DENND1A: variants seen among roughly 807,000 people sequenced by gnomAD.
DENND1A encodes the protein DENN domain-containing protein 1A.
A neutral mutation model predicts 113.7 loss-of-function variants in DENND1A; 51 were observed. The observed-to-expected ratio is 0.45, with a 90% CI of 0.36 to 0.57. The LOEUF (loss-of-function observed/expected upper bound fraction) is 0.57. Ranked by LOEUF, DENND1A falls within the 20% of genes least tolerant of loss-of-function variation. The pLI, the probability that DENND1A is intolerant of heterozygous loss-of-function variation, is 0.00. For synonymous variants in DENND1A, 565 were observed against 570.8 expected (o/e 0.99, Z 0.14); for missense variants, 1,258 against 1,395.9 (o/e 0.90, Z 1.57).
At chr9:123,792,986 T>G (rs1163328477) in intron 2 of DENND1A, among the ~76,000 whole-genome samples, 1 of 152,204 alleles carries the variant, frequency 6.6e-6, no homozygotes, top group African/African-American at 2.4e-5. Context: ...CTTTGCATAG[T>G]TACAGATGTG....
intron 21 of DENND1A, among the ~76,000 whole-genome samples, chr9:123,398,424 G>C (rs982616140): frequency 6.6e-6 from 1 of 152,066 alleles, no homozygotes; most frequent in African/African-American, 2.4e-5. Context: ...ACCCAGGCTA[G>C]AGTGCAGTGG....
chr9:123,507,559 T>C (rs1205029991), intron 13 of DENND1A, among the ~76,000 whole-genome samples: 2 of 151,860 alleles, frequency 1.3e-5, no homozygotes, highest in Non-Finnish European at 2.9e-5. Flanking sequence ...AACATAAGAA[T>C]TACTTTTTGC....
At position 123,652,084 on chromosome 9, in the gene DENND1A, T is replaced by A; in HGVS notation, c.547A>T (p.Asn183Tyr). 1 of 1,614,190 alleles carries A rather than the reference T, an allele frequency of 6.2e-7. No individual in the cohort carries two copies. The highest frequency in any genetic ancestry group is 8.5e-7 in the Non-Finnish European group (1 of 1,180,024). ...ATACTGGCGTACAGATGCAACATGT[T>A]GTTAACATCCACAGCCACAAAATAT... Reference protein sequence around the residue: ...TEYFVAVDVNNMLHLYASMLY... With the variant: ...TEYFVAVDVNYMLHLYASMLY... The change falls in exon 9 of 24, where the codon AAC (asparagine) becomes TAC (tyrosine). Residue 183 changes from asparagine to tyrosine, a missense_variant. Asn to Tyr is a moderately radical substitution (Grantham distance 143). This residue lies in a region of DENND1A where 1,159 missense variants were observed against 1,231.7 expected (regional missense o/e 0.94). Transcript: ENST00000394215.
chr9:123,877,317 G>A (rs1018691321), intron 2 of DENND1A, among the ~76,000 whole-genome samples: 53 of 151,158 alleles, frequency 3.5e-4, no homozygotes, highest in African/African-American at 1.0e-3. Flanking sequence ...GTGAAACCCC[G>A]TCTCTACTAA....
At chr9:123,480,798 C>T (rs1015113840) in intron 13 of DENND1A, among the ~76,000 whole-genome samples, 5 of 152,318 alleles carry the variant, frequency 3.3e-5, no homozygotes, top group African/African-American at 4.8e-5. Flanking sequence ...ACTGAACACA[C>T]GTGTGTCGAA....
At chr9:123,696,640 T>C (rs1425646169) in intron 5 of DENND1A, among the ~76,000 whole-genome samples, 2 of 152,208 alleles carry the variant, frequency 1.3e-5, no homozygotes, top group African/African-American at 4.8e-5. Context: ...CAGAGTTTAT[T>C]CTAACCAGAA....
At chr9:123,456,728 T>G (rs140631389) in intron 15 of DENND1A, 1 of 152,368 alleles carries the variant, frequency 6.6e-6, no homozygotes, top group East Asian at 1.9e-4. Context: ...GAGAATCACT[T>G]GAACCTGAGA....
At chr9:123,410,687 T>C (rs1423112517) in intron 20 of DENND1A, among the ~76,000 whole-genome samples, 1 of 152,162 alleles carries the variant, frequency 6.6e-6, no homozygotes, top group Admixed American at 6.5e-5. Flanking sequence ...ACAGACACAG[T>C]TCACCTGGTC....
At chr9:123,399,940 G>A (rs2043340306) in intron 21 of DENND1A, among the ~76,000 whole-genome samples, 1 of 152,246 alleles carries the variant, frequency 6.6e-6, no homozygotes, top group Non-Finnish European at 1.5e-5. Context: ...TAGCCCAAGA[G>A]GGCCTAGAAA....
At chr9:123,627,325 T>A (rs1216025296) in intron 10 of DENND1A, among the ~76,000 whole-genome samples, 1 of 152,252 alleles carries the variant, frequency 6.6e-6, no homozygotes, top group Non-Finnish European at 1.5e-5. Context: ...TCTATGGGCC[T>A]GTGTCTTCGA....
chr9:123,689,094 G>A (rs1041003647), intron 5 of DENND1A, among the ~76,000 whole-genome samples: 7 of 151,998 alleles, frequency 4.6e-5, no homozygotes, highest in South Asian at 2.1e-4. Flanking sequence ...GCGTGATCTC[G>A]GCTCACTGCA....
rs138556951 is a variant in DENND1A, at chr9:123,545,076, C to T, written c.993+12494G>A. Among the ~76,000 whole-genome samples the T allele has an allele frequency of 2.7e-4, 41 of 150,910 alleles. 1 individual carries two copies. In the East Asian group the frequency reaches 8.0e-3, roughly 29 times the overall value. ...TCGCGCCACTGTACTCCAGCCTGGG[C>T]GACAGAGCAAGACTCCGTCTCAAAA... On this transcript the variant is annotated intron_variant, in intron 13 of 23. Transcript: ENST00000394215.
intron 11 of DENND1A, among the ~76,000 whole-genome samples, chr9:123,594,244 T>C (rs2059589181): frequency 6.6e-6 from 1 of 152,198 alleles, no homozygotes; most frequent in Non-Finnish European, 1.5e-5. Context: ...CTGTGTGACA[T>C]GCTCTGCATC....
intron 19 of DENND1A, among the ~76,000 whole-genome samples, chr9:123,426,207 A>G (rs958284225): frequency 5.9e-5 from 9 of 152,088 alleles, no homozygotes; most frequent in Non-Finnish European, 4.4e-5. Flanking sequence ...GTGGTCAGGG[A>G]GACAATCCTG....
At chr9:123,676,526 A>T (rs760069105) in intron 6 of DENND1A, among the ~76,000 whole-genome samples, 194 bp downstream of exon 6, 2 of 152,190 alleles carry the variant, frequency 1.3e-5, no homozygotes, top group African/African-American at 2.4e-5. Flanking sequence ...AATGCTAGGA[A>T]TATTTATTTT....
In DENND1A at chr9:123,683,330, GA is replaced by G. The variant is rs1361002519; in HGVS notation, c.303-6542del. Among the ~76,000 whole-genome samples the G allele has an allele frequency of 8.5e-5, 13 of 152,254 alleles. No homozygotes were observed. In the Middle Eastern group the frequency reaches 0.01, roughly 120 times the overall value. On this transcript the variant is annotated intron_variant, in intron 5 of 23. Transcript: ENST00000394215. ...CATCAAAAGAAAATGATTTCAATAT[GA>G]AAGGATAAAAGAGACCTTCGGGAAA...
chr9:123,888,325 T>C (rs549373106), intron 1 of DENND1A, among the ~76,000 whole-genome samples: 1 of 152,240 alleles, frequency 6.6e-6, no homozygotes, highest in South Asian at 2.1e-4. Context: ...TTTGGATCCA[T>C]CAAATAAAAC....
chr9:123,447,752 G>A (rs560179895), intron 18 of DENND1A, among the ~76,000 whole-genome samples: 23 of 150,458 alleles, frequency 1.5e-4, no homozygotes, highest in African/African-American at 4.7e-4. Flanking sequence ...AGGTACATTC[G>A]TTGCCAGATA....
At position 123,930,052 on chromosome 9, in the gene DENND1A, C is replaced by T. The variant is rs970044991; in HGVS notation, c.-147G>A. ...GGCCCGCCCGCTCGAGGCTCGCTCC[C>T]TCGCCGCCGCCGCCGCCTCCAGGGG... On this transcript the variant is annotated 5_prime_UTR_variant, in exon 1 of 24. Transcript: ENST00000394215. 1.2e-3 allele frequency: 247 copies of T among 213,094 alleles called. No homozygotes were observed. Among genetic ancestry groups the T allele is most frequent in the Middle Eastern group, 3.4e-3 (2 of 582 alleles). 13.2% of individuals were successfully genotyped at this position (213,094 alleles called of 1,614,324 possible).
Sources: allele counts gnomAD v4.1 joint callset (sites outside exome capture counted in the v4.1 genomes callset), GRCh38; gene constraint gnomAD v4.1.1; regional missense constraint gnomAD v4.1.1; transcripts MANE v1.5; gene names NCBI Gene and HGNC (gene_info 2026-07-23, HGNC 2026-07-21).